The following THRAP3 variants were observed in gnomAD, a reference collection of about 807,000 sequenced individuals.
The protein encoded by THRAP3 is thyroid hormone receptor associated protein 3.
A neutral mutation model predicts 101.0 loss-of-function variants in THRAP3; 16 were observed. The observed-to-expected ratio is 0.16, with a 90% CI of 0.11 to 0.24. The LOEUF (loss-of-function observed/expected upper bound fraction) is 0.24, where lower values mean the gene tolerates loss of function less well. THRAP3 is among the 10% of genes least tolerant of loss of function. The pLI, the probability that THRAP3 is intolerant of heterozygous loss-of-function variation, is 1.00. For missense variants in THRAP3, 989 were observed against 1,202.7 expected (o/e 0.82, Z 2.63); for synonymous variants, 407 against 422.6 (o/e 0.96, Z 0.45).
At chr1:36,287,756 CA>C (rs982865201) in intron 4 of THRAP3, 35 of 985,424 alleles carry the variant, frequency 3.6e-5, no homozygotes, top group Non-Finnish European at 4.1e-5. Flanking sequence ...AGGCATAGTC[CA>C]GGAAGGCCTT....
chr1:36,301,203 G>A, intron 10 of THRAP3, 119 bp downstream of exon 10: 1 of 1,045,562 alleles, frequency 9.6e-7, no homozygotes, highest in South Asian at 1.7e-5. Context: ...CAAAGACCCT[G>A]GAATCTTTGG....
chr1:36,297,273 T>A (rs555517687), intron 9 of THRAP3, among the ~76,000 whole-genome samples: 1 of 152,322 alleles, frequency 6.6e-6, no homozygotes, highest in Admixed American at 6.5e-5. Flanking sequence ...AAAGGTGGCA[T>A]TGTTGAACTT....
chr1:36,244,724 T>A (rs1163064439), intron 1 of THRAP3, among the ~76,000 whole-genome samples: 1 of 148,820 alleles, frequency 6.7e-6, no homozygotes, highest in African/African-American at 2.5e-5. Flanking sequence ...ACTTGTGGGT[T>A]TTTTTTTTTT....
chr1:36,223,266 T>G (rs1199794727), upstream of THRAP3, among the ~76,000 whole-genome samples: 1 of 152,170 alleles, frequency 6.6e-6, no homozygotes, highest in Non-Finnish European at 1.5e-5. Context: ...CCGAAGCCAC[T>G]AAGGGCAAGG....
intron 11 of THRAP3, among the ~76,000 whole-genome samples, 180 bp from the exon 12 acceptor site, chr1:36,303,614 TCA>T (rs1646057504): frequency 6.6e-6 from 1 of 152,164 alleles, no homozygotes; most frequent in Non-Finnish European, 1.5e-5. Context: ...ACTGATATTC[TCA>T]TGGATCTGAA....
chr1:36,282,011 TGTG>T (rs1215134100), intron 2 of THRAP3, among the ~76,000 whole-genome samples: 1 of 152,002 alleles, frequency 6.6e-6, no homozygotes, highest in Non-Finnish European at 1.5e-5. Flanking sequence ...AGGCGGAGGT[TGTG>T]GTGAGCTGAG....
rs12726230 is a variant in THRAP3 at position 36,267,939 on chromosome 1, G to A, written c.-32+8455G>A. Reference sequence around the variant, plus strand: ...TCACGCCTGTAATCCTAGTACTTTGGGAGGCCGAGGCAGATGGATCACTTG... The same window carrying A: ...TCACGCCTGTAATCCTAGTACTTTGAGAGGCCGAGGCAGATGGATCACTTG... On this transcript the variant is annotated intron_variant, in intron 2 of 11. Transcript: ENST00000354618. Among the ~76,000 whole-genome samples the A allele has an allele frequency of 7.7e-4, 12 of 15,646 alleles. 1 individual carries two copies. Among genetic ancestry groups the A allele is most frequent in the Admixed American group, 1.5e-3 (1 of 652 alleles). 10.3% of individuals were successfully genotyped at this position (15,646 alleles called of 152,430 possible).
intron 1 of THRAP3, among the ~76,000 whole-genome samples, chr1:36,253,397 T>A (rs770637514): frequency 2.0e-5 from 3 of 152,214 alleles, no homozygotes; most frequent in Non-Finnish European, 2.9e-5. Context: ...GTTGGAAATA[T>A]GCTGGAACTG....
chr1:36,272,174 G>A (rs991436770), intron 2 of THRAP3, among the ~76,000 whole-genome samples: 1 of 152,054 alleles, frequency 6.6e-6, no homozygotes, highest in Non-Finnish European at 1.5e-5. Flanking sequence ...GAGTCACCAC[G>A]CCCAGCCTGT....
intron 4 of THRAP3, chr1:36,287,962 G>A (rs1164342815): frequency 5.1e-6 from 5 of 978,510 alleles, no homozygotes; most frequent in Non-Finnish European, 4.9e-6. Flanking sequence ...CCAGGTTGTG[G>A]TCAAGAGGGA....
intron 1 of THRAP3, among the ~76,000 whole-genome samples, chr1:36,255,920 A>G (rs907772179): frequency 2.0e-5 from 3 of 152,172 alleles, no homozygotes; most frequent in Non-Finnish European, 2.9e-5. Context: ...TTTGGAAACT[A>G]TATCGTCGTT....
intron 2 of THRAP3, among the ~76,000 whole-genome samples, chr1:36,269,672 G>A (rs1274518636): frequency 1.3e-5 from 2 of 152,124 alleles, no homozygotes; most frequent in Non-Finnish European, 2.9e-5. Flanking sequence ...CTGGGCCCAA[G>A]CCATCCTCTT....
At chr1:36,219,896 G>A (rs1055413804), upstream of THRAP3, among the ~76,000 whole-genome samples, 3 of 152,138 alleles carry the variant, frequency 2.0e-5, no homozygotes, top group Non-Finnish European at 2.9e-5. Context: ...AGTTGAAGGC[G>A]ATGCTCATTT....
chr1:36,250,620 A>G (rs1395918609), intron 1 of THRAP3, among the ~76,000 whole-genome samples: 2 of 151,870 alleles, frequency 1.3e-5, no homozygotes, highest in Non-Finnish European at 2.9e-5. Context: ...TTAAAAAAAT[A>G]TACCTTAGAG....
At chr1:36,227,563 A>G (rs1350074726) in intron 1 of THRAP3, among the ~76,000 whole-genome samples, 2 of 152,212 alleles carry the variant, frequency 1.3e-5, no homozygotes, top group East Asian at 1.9e-4. Flanking sequence ...GATTACAGGC[A>G]TAAGCTACTG....
At chr1:36,265,655 C>G (rs76811106) in intron 2 of THRAP3, among the ~76,000 whole-genome samples, 12,778 of 151,810 alleles carry the variant, frequency 0.084, 755 homozygotes, top group Middle Eastern at 0.23. Flanking sequence ...AATGAGAAAG[C>G]AAAAATTATT....
intron 4 of THRAP3, chr1:36,287,995 C>T (rs1269135715): frequency 2.5e-5 from 23 of 927,322 alleles, no homozygotes; most frequent in Non-Finnish European, 3.0e-5. Flanking sequence ...GTGGCTCCCC[C>T]TTTTTTTTTC....
chr1:36,222,296 A>G (rs775940312), upstream of THRAP3, among the ~76,000 whole-genome samples: 2 of 152,232 alleles, frequency 1.3e-5, no homozygotes, highest in Non-Finnish European at 2.9e-5. Context: ...AACATACTAT[A>G]TAACTTTAAT....
chr1:36,222,676 TG>T (rs1298619450), upstream of THRAP3, among the ~76,000 whole-genome samples: 2 of 152,026 alleles, frequency 1.3e-5, no homozygotes, highest in Non-Finnish European at 2.9e-5. Flanking sequence ...CCCAAAGCGT[TG>T]GGATTACCGG....
Sources: gnomAD v4.1 joint callset for allele counts (sites outside exome capture counted in the v4.1 genomes callset) on GRCh38, gnomAD v4.1.1 for gene constraint, MANE v1.5 for transcripts, NCBI Gene and HGNC (gene_info 2026-07-23, HGNC 2026-07-21) for gene names.